Variants in CEP63 observed in about 807,000 individuals in gnomAD.
CEP63 encodes centrosomal protein of 63 kDa.
A neutral mutation model predicts 89.1 loss-of-function variants in CEP63; 84 were observed. That is an observed-to-expected ratio of 0.94 (90% CI 0.79 to 1.13). The LOEUF (loss-of-function observed/expected upper bound fraction) is 1.13, where lower values mean the gene tolerates loss of function less well. Ranked by LOEUF, CEP63 falls within the 50% of genes most tolerant of loss-of-function variation. The pLI, the probability that CEP63 is intolerant of heterozygous loss-of-function variation, is 0.00. For missense variants in CEP63, 838 were observed against 813.3 expected, an observed-to-expected ratio of 1.03 and a Z score of -0.37; for synonymous variants, 267 against 272.5, an observed-to-expected ratio of 0.98 and a Z score of 0.20.
At chr3:134,533,805 A>G (rs1330063196) in intron 5 of CEP63, among the ~76,000 whole-genome samples, 1 of 152,150 alleles carries the variant, frequency 6.6e-6, no homozygotes, top group African/African-American at 2.4e-5. Context: ...ACAAGTTTGT[A>G]CTCTGGGTGA....
chr3:134,721,070 C>A, the CEP63 span, among the ~76,000 whole-genome samples: 1 of 152,058 alleles, frequency 6.6e-6, no homozygotes, highest in East Asian at 1.9e-4. Flanking sequence ...GTATTGCCAT[C>A]TGAATAATAT....
chr3:134,511,165 G>T, intron 3 of CEP63: 1 of 168,960 alleles, frequency 5.9e-6, no homozygotes, highest in South Asian at 1.3e-4. Flanking sequence ...TAGCAGTTTA[G>T]AGGGTAATGG....
the CEP63 span, among the ~76,000 whole-genome samples, chr3:134,665,652 GACACACACACACACACAC>G: frequency 1.6e-3 from 150 of 95,824 alleles, no homozygotes; most frequent in African/African-American, 4.7e-3. Flanking sequence ...GGAAACAGAG[GACACACACACACACACAC>G]ACACACACAC....
At chr3:134,619,370 A>G in the CEP63 span, 6 of 823,546 alleles carry the variant, frequency 7.3e-6, no homozygotes, top group Admixed American at 3.7e-5. Flanking sequence ...CCAGGAAACT[A>G]CAGTGGGCTG....
At chr3:134,528,799 T>C (rs1195154124) in intron 3 of CEP63, among the ~76,000 whole-genome samples, 1 of 152,210 alleles carries the variant, frequency 6.6e-6, no homozygotes, top group East Asian at 1.9e-4. Context: ...TTACCCCTTC[T>C]ACCTACCATA....
At chr3:134,587,125 G>C (rs557322325) in intron 10 of CEP63, among the ~76,000 whole-genome samples, 27 of 152,174 alleles carry the variant, frequency 1.8e-4, no homozygotes, top group African/African-American at 6.3e-4. Context: ...GCTTCCTTGC[G>C]ATGGGTTAGA....
chr3:134,681,402 C>A, the CEP63 span, among the ~76,000 whole-genome samples: 2 of 152,148 alleles, frequency 1.3e-5, no homozygotes, highest in East Asian at 3.9e-4. Context: ...TCTCAGGGTA[C>A]ATGGTGCTCC....
the CEP63 span, among the ~76,000 whole-genome samples, chr3:134,715,604 T>C: frequency 2.0e-5 from 3 of 151,480 alleles, no homozygotes; most frequent in South Asian, 2.1e-4. Flanking sequence ...GCATTGCACA[T>C]TGTGATATCA....
chr3:134,664,161 C>G, the CEP63 span, among the ~76,000 whole-genome samples: 1 of 152,180 alleles, frequency 6.6e-6, no homozygotes, highest in Admixed American at 6.5e-5. Flanking sequence ...CTTTGCTTCC[C>G]TGTGTCTTGG....
At chr3:134,580,011 C>T (rs1408886785), downstream of CEP63, among the ~76,000 whole-genome samples, 1 of 152,040 alleles carries the variant, frequency 6.6e-6, no homozygotes, top group Non-Finnish European at 1.5e-5. Flanking sequence ...GCCTGGTTAA[C>T]ATGGTGAAAT....
intron 6 of CEP63, among the ~76,000 whole-genome samples, chr3:134,543,088 G>A (rs1312860320): frequency 6.6e-6 from 1 of 152,152 alleles, no homozygotes; most frequent in Non-Finnish European, 1.5e-5. Context: ...TTAGTGTAGT[G>A]CTAATAGATA....
rs752963813 is a variant in CEP63 at position 134,558,232 on chromosome 3, TTGA to T, written c.1562_1564del (p.Met521del). On this transcript the variant is annotated inframe_deletion, in exon 13 of 15. Transcript: ENST00000675561. ...TGAAAATCAACAACTACAGAAAGAT[TTGA>T]TGAATACCAAATCTCAGCTGGAGAT... 1 of 1,613,674 alleles carries T rather than the reference TTGA, an allele frequency of 6.2e-7. No individual in the cohort carries two copies. Among genetic ancestry groups the T allele is most frequent in the African/African-American group, 1.3e-5 (1 of 75,006 alleles).
At chr3:134,781,536 GCCTA>G in the CEP63 span, among the ~76,000 whole-genome samples, 1 of 152,184 alleles carries the variant, frequency 6.6e-6, no homozygotes, top group Admixed American at 6.5e-5. Flanking sequence ...TGGGCTGCAA[GCCTA>G]CCCATCAGGG....
chr3:134,569,816 T>C (rs543647759), downstream of CEP63, among the ~76,000 whole-genome samples: 1 of 152,320 alleles, frequency 6.6e-6, no homozygotes, highest in African/African-American at 2.4e-5. Context: ...AGGTTCTGCA[T>C]GAAGACCCAA....
the CEP63 span, chr3:134,610,058 C>T: frequency 3.1e-5 from 28 of 909,298 alleles, 1 homozygote; most frequent in Middle Eastern, 2.7e-4. Flanking sequence ...ACTTCAGAGC[C>T]GAGGAGGAGT....
chr3:134,761,036 G>A, the CEP63 span, among the ~76,000 whole-genome samples: 1 of 151,798 alleles, frequency 6.6e-6, no homozygotes. Context: ...AAAAAAGAAA[G>A]GCTGAGGAAT....
chr3:134,624,586 A>G, the CEP63 span, among the ~76,000 whole-genome samples: 1 of 152,222 alleles, frequency 6.6e-6, no homozygotes, highest in African/African-American at 2.4e-5. Flanking sequence ...AGACATGCTC[A>G]GGGCCAGAGG....
At chr3:134,556,163 TA>T (rs1358509515) in intron 12 of CEP63, among the ~76,000 whole-genome samples, 3 of 149,536 alleles carry the variant, frequency 2.0e-5, no homozygotes, top group African/African-American at 4.9e-5. Context: ...CCTAAAACCA[TA>T]AAAACCCTAG....
chr3:134,726,455 GACAGACACACACACACACAC>G, the CEP63 span, among the ~76,000 whole-genome samples: 13 of 51,114 alleles, frequency 2.5e-4, no homozygotes, highest in East Asian at 1.6e-3. Context: ...CAGGCACACA[GACAGACACACACACACACAC>G]ACACACACAC....
Sources: allele counts gnomAD v4.1 joint callset (sites outside exome capture counted in the v4.1 genomes callset), GRCh38; gene constraint gnomAD v4.1.1; transcripts MANE v1.5; gene names NCBI Gene and HGNC (gene_info 2026-07-23, HGNC 2026-07-21).